DLGAP5: variants seen among roughly 807,000 people sequenced by gnomAD.
DLGAP5 encodes the protein disks large-associated protein 5.
DLGAP5 carries 90 observed loss-of-function variants against 99.6 expected under a neutral mutation model. The ratio of observed to expected loss-of-function variants is 0.90; its 90% CI spans 0.76 to 1.08. The LOEUF is 1.08. Among genes scored for constraint, DLGAP5 ranks in the 50% least tolerant of loss-of-function variants. DLGAP5 has a pLI of 0.00. For missense variants in DLGAP5, 1,036 were observed against 983.5 expected (o/e 1.05, Z -0.71); for synonymous variants, 311 against 321.3 (o/e 0.97, Z 0.34).
intron 10 of DLGAP5, 94 bp downstream of exon 10, chr14:55,175,252 T>C (rs1274066469): frequency 4.6e-6 from 5 of 1,079,230 alleles, no homozygotes; most frequent in African/African-American, 3.3e-5. Context: ...ACACCAGTTT[T>C]CCCCCACTAT....
At chr14:55,174,032 G>A (rs917164769) in intron 10 of DLGAP5, among the ~76,000 whole-genome samples, 7 of 152,202 alleles carry the variant, frequency 4.6e-5, no homozygotes, top group Admixed American at 6.5e-5. Context: ...AACTCTGGCC[G>A]CCGGTGAGCC....
At chr14:55,163,423 C>T (rs1308011256) in intron 12 of DLGAP5, among the ~76,000 whole-genome samples, 3 of 151,900 alleles carry the variant, frequency 2.0e-5, no homozygotes, top group Non-Finnish European at 4.4e-5. Flanking sequence ...TTATCCATTC[C>T]TCCACTGAAG....
Position 55,191,231 on chromosome 14 carries a change from C to T in DLGAP5, c.-2+232G>A, listed in dbSNP as rs1332304673. On this transcript the variant is annotated intron_variant, in intron 1 of 18. Transcript: ENST00000247191. ...GAGCTAGTGAAGAACAGTTTCACCC[C>T]AAAGGTCAATTACGCCCCGGTGGTG... The T allele has an allele frequency of 3.3e-5, 5 of 152,292 alleles. No individual in the cohort carries two copies. In the South Asian group the frequency reaches 6.2e-4, roughly 19 times the overall value. The allele number at this position is 152,292 out of a possible 1,614,324, so 9.4% of individuals were successfully genotyped here. A position where few individuals can be genotyped will look rare whatever the true frequency, so the allele number is the denominator to read the frequency against.
At chr14:55,172,981 CAAAAAAAAAA>C (rs71291818) in intron 10 of DLGAP5, among the ~76,000 whole-genome samples, 11 of 62,094 alleles carry the variant, frequency 1.8e-4, no homozygotes, top group African/African-American at 6.0e-4. Flanking sequence ...GACTCCGTCT[CAAAAAAAAAA>C]AAAAAAAAAA....
intron 16 of DLGAP5, 141 bp from the exon 17 acceptor site, chr14:55,152,082 A>G: frequency 1.3e-6 from 1 of 772,048 alleles, no homozygotes; most frequent in Non-Finnish European, 2.0e-6. Context: ...AAATCCTACT[A>G]TCCTGCTTCT....
intron 2 of DLGAP5, among the ~76,000 whole-genome samples, chr14:55,186,214 T>A (rs1883431983): frequency 6.6e-6 from 1 of 152,174 alleles, no homozygotes. Flanking sequence ...GAGGTTGCGG[T>A]GAGCCGAGAT....
At chr14:55,163,102 A>T in intron 12 of DLGAP5, 27 bp from the exon 13 acceptor site, 1 of 1,419,956 alleles carries the variant, frequency 7.0e-7, no homozygotes, top group Non-Finnish European at 9.7e-7. Context: ...AGTTTACCAG[A>T]TTAATGCTAG....
intron 15 of DLGAP5, among the ~76,000 whole-genome samples, chr14:55,153,767 T>C (rs1214726250): frequency 3.3e-5 from 5 of 151,432 alleles, no homozygotes; most frequent in African/African-American, 9.7e-5. Flanking sequence ...CTACAAGATA[T>C]ACAAAGTAGG....
chr14:55,176,042 C>A, intron 8 of DLGAP5, 24 bp from the exon 9 acceptor site: 1 of 1,588,376 alleles, frequency 6.3e-7, no homozygotes, highest in East Asian at 2.2e-5. Flanking sequence ...CAAAAATATA[C>A]TTCATGAAAC....
chr14:55,187,288 T>C (rs372652697), intron 2 of DLGAP5, among the ~76,000 whole-genome samples: 7 of 151,174 alleles, frequency 4.6e-5, no homozygotes, highest in South Asian at 2.1e-4. Context: ...CACCCTATAA[T>C]CTATTCTCAA....
intron 1 of DLGAP5, among the ~76,000 whole-genome samples, chr14:55,190,071 A>T (rs919650370): frequency 6.6e-6 from 1 of 152,218 alleles, no homozygotes. Context: ...CAGAAAACAG[A>T]ACAAGACCAA....
intron 2 of DLGAP5, among the ~76,000 whole-genome samples, 169 bp downstream of exon 2, chr14:55,188,773 G>C (rs1053023704): frequency 1.0e-5 from 1 of 100,170 alleles, no homozygotes; most frequent in African/African-American, 4.0e-5. Context: ...CCTGTCTCTT[G>C]TAATTTAAAA....
At chr14:55,188,779 T>TAAAAAA (rs397852487) in intron 2 of DLGAP5, among the ~76,000 whole-genome samples, 163 bp downstream of exon 2, 3 of 116,242 alleles carry the variant, frequency 2.6e-5, no homozygotes, top group Non-Finnish European at 5.3e-5. Flanking sequence ...TCTTGTAATT[T>TAAAAAA]AAAAAAAAAA....
intron 10 of DLGAP5, among the ~76,000 whole-genome samples, chr14:55,174,199 G>A (rs1023892840): frequency 5.9e-5 from 9 of 152,162 alleles, no homozygotes; most frequent in African/African-American, 2.2e-4. Flanking sequence ...TCTTACTGTC[G>A]AAACTGCAGG....
At chr14:55,148,997 T>C (rs537198301) in intron 18 of DLGAP5, among the ~76,000 whole-genome samples, 4 of 152,310 alleles carry the variant, frequency 2.6e-5, no homozygotes, top group Admixed American at 2.0e-4. Context: ...GGGATCTTTT[T>C]ACTCCCTCAA....
At position 55,189,104 on chromosome 14, in the gene DLGAP5, T is replaced by G; in HGVS notation, c.76A>C (p.Arg26=). 6.2e-7 allele frequency: 1 copy of G among 1,614,074 alleles called. No individual in the cohort carries two copies. Among genetic ancestry groups the G allele is most frequent in the Non-Finnish European group, 8.5e-7 (1 of 1,179,990 alleles). ...TTTTCTTTCTGAGACAGTGATTTCC[T>G]ATGAGCAATTTTAGTTCTAATCATT... The part of the protein sequence containing the change: ...TEMIRTKIAH[R]KSLSQKENRH... The change falls in exon 2 of 19, where the codon AGG becomes CGG. Residue 26 remains arginine, a synonymous_variant. Coordinates refer to ENST00000247191, the MANE Select transcript of DLGAP5 (RefSeq NM_014750.5).
chr14:55,178,206 C>T (rs937615045), intron 7 of DLGAP5, among the ~76,000 whole-genome samples: 1 of 151,792 alleles, frequency 6.6e-6, no homozygotes, highest in Non-Finnish European at 1.5e-5. Context: ...GAGCCGAGAT[C>T]GTGTCACTGC....
rs1256199174 is a variant in DLGAP5 at position 55,152,626 on chromosome 14, C to G, written c.2085G>C (p.Gln695His). 4.4e-6 allele frequency: 7 copies of G among 1,602,120 alleles called. No homozygotes were observed. The African/African-American group carries it at 9.4e-5, about 21-fold the overall frequency. Residue 695 changes from glutamine to histidine, a missense_variant, in exon 16 of 19, where the codon CAG (glutamine) becomes CAC (histidine). Gln to His is a conservative substitution (Grantham distance 24). Transcript: ENST00000247191. ...PESRSSIEDA[Q>H]CPGLPDLIEE... The stretch of plus-strand genomic sequence containing the variant: ...CAATTAAATCTGGTAATCCAGGACA[C>G]TGAGCATCTTCTATGCTGCTCCTAA...
rs529111737 is a variant in DLGAP5, at chr14:55,178,920, G to A, written c.774+709C>T. ...AAATCAGATGGGCGTGGTGGTGCACGTCTGTAATCCCAACTACTCGGGAGG... is the reference window on the plus strand; with the variant it reads ...AAATCAGATGGGCGTGGTGGTGCACATCTGTAATCCCAACTACTCGGGAGG... On this transcript the variant is annotated intron_variant, in intron 7 of 18. Transcript: ENST00000247191. 9.9e-5 allele frequency among the ~76,000 whole-genome samples: 15 copies of A among 152,136 alleles called. No homozygotes were observed. In the South Asian group the frequency reaches 2.1e-3, roughly 21 times the overall value.
Sources: gnomAD v4.1 joint callset for allele counts (sites outside exome capture counted in the v4.1 genomes callset) on GRCh38, gnomAD v4.1.1 for gene constraint, MANE v1.5 for transcripts, NCBI Gene and HGNC (gene_info 2026-07-23, HGNC 2026-07-21) for gene names.